The following HVCN1 variants were observed in gnomAD, a reference collection of about 807,000 sequenced individuals.
HVCN1 encodes the protein voltage-gated hydrogen channel 1.
In HVCN1, 14 loss-of-function variants were observed where a neutral mutation model predicts 29.2. That is an observed-to-expected ratio of 0.48 (90% CI 0.32 to 0.75). The LOEUF (loss-of-function observed/expected upper bound fraction) is 0.75. Among genes scored for constraint, HVCN1 ranks in the 30% least tolerant of loss-of-function variants. The pLI, the probability that HVCN1 is intolerant of heterozygous loss-of-function variation, is 0.04. For missense variants in HVCN1, 263 were observed against 341.8 expected (o/e 0.77, Z 1.82); for synonymous variants, 131 against 133.2 (o/e 0.98, Z 0.11).
intron 3 of HVCN1, among the ~76,000 whole-genome samples, chr12:110,672,764 G>A (rs1189141839): frequency 1.3e-5 from 2 of 152,146 alleles, no homozygotes; most frequent in Admixed American, 6.5e-5. Context: ...TAGTGAACAA[G>A]TCTCACAAGA....
At chr12:110,651,085 G>A in intron 6 of HVCN1, 132 bp downstream of exon 6, 1 of 641,430 alleles carries the variant, frequency 1.6e-6, no homozygotes, top group Non-Finnish European at 2.8e-6. Flanking sequence ...GGGAGGTGAG[G>A]GGGCAGAGGG....
upstream of HVCN1, among the ~76,000 whole-genome samples, chr12:110,694,440 G>A (rs1005169191): frequency 4.6e-5 from 7 of 152,224 alleles, no homozygotes; most frequent in Non-Finnish European, 7.3e-5. This position sits in a 1 kb window ranked among gnomAD's most constrained non-coding sequence, Gnocchi z 4.6. Context: ...AGCTGGGGCC[G>A]GGCCAGGGCA....
chr12:110,651,729 A>C (rs1197786763), intron 5 of HVCN1, among the ~76,000 whole-genome samples: 2 of 152,272 alleles, frequency 1.3e-5, no homozygotes. Context: ...CACAGGGACT[A>C]AGGATATTTA....
At position 110,655,614 on chromosome 12, in the gene HVCN1, T is replaced by C. The variant is rs115842147; in HGVS notation, c.307-276A>G. 5.8e-3 allele frequency among the ~76,000 whole-genome samples: 876 copies of C among 152,038 alleles called. 13 individuals carry two copies. Among genetic ancestry groups the C allele is most frequent in the African/African-American group, 0.02 (809 of 41,428 alleles). ...CCACCTTCCCTGCCCTCCCAGAACATCTCTGGCTCATTTTCTGACCTTTGG... is the reference window on the plus strand; with the variant it reads ...CCACCTTCCCTGCCCTCCCAGAACACCTCTGGCTCATTTTCTGACCTTTGG... On this transcript the variant is annotated intron_variant, in intron 4 of 7. Coordinates refer to ENST00000242607, the MANE Select transcript of HVCN1 (RefSeq NM_032369.4).
intron 2 of HVCN1, among the ~76,000 whole-genome samples, chr12:110,686,564 C>G (rs1159860765): frequency 2.0e-5 from 3 of 152,134 alleles, no homozygotes; most frequent in Non-Finnish European, 4.4e-5. Context: ...TTAAGGTGCC[C>G]TGGAGATTTC....
chr12:110,701,400 G>T (rs962320871), intron 2 of HVCN1, among the ~76,000 whole-genome samples: 6 of 152,242 alleles, frequency 3.9e-5, no homozygotes, highest in Admixed American at 1.3e-4. Context: ...ACATTCTTGG[G>T]CCCCAACTTC....
chr12:110,700,297 C>A (rs936862660), intron 2 of HVCN1, among the ~76,000 whole-genome samples: 1 of 152,220 alleles, frequency 6.6e-6, no homozygotes, highest in Admixed American at 6.5e-5. Context: ...TGTCGCCCAG[C>A]CATGAAGCGG....
At chr12:110,682,202 G>A (rs2069004249) in intron 3 of HVCN1, among the ~76,000 whole-genome samples, 1 of 152,048 alleles carries the variant, frequency 6.6e-6, no homozygotes, top group Non-Finnish European at 1.5e-5. Flanking sequence ...TGGCCAGGCT[G>A]GTCTCAAACT....
intron 2 of HVCN1, among the ~76,000 whole-genome samples, chr12:110,684,914 G>A (rs988218824): frequency 2.6e-5 from 4 of 152,110 alleles, no homozygotes; most frequent in Admixed American, 6.5e-5. Flanking sequence ...AAGCACATGA[G>A]TAGATACTCT....
chr12:110,661,551 T>TTCTACGCACCCG lies in HVCN1; in HGVS notation c.22-104_22-103insCGGGTGCGTAGA. ...CACTGCAGGTGAAGATGGTCCCGGGTGCGTAGAACCCCCTGCAAGCAGAGA... is the reference window on the plus strand; with the variant it reads ...CACTGCAGGTGAAGATGGTCCCGGGTTCTACGCACCCGGCGTAGAACCCCCTGCAAGCAGAGA... On this transcript the variant is annotated intron_variant, in intron 3 of 7. Coordinates refer to ENST00000242607, the MANE Select transcript of HVCN1 (RefSeq NM_032369.4). This position sits in a 1 kb window ranked among gnomAD's most constrained non-coding sequence, Gnocchi z 6.2. 9.3e-7 allele frequency: 1 copy of TTCTACGCACCCG among 1,079,784 alleles called. No homozygotes were observed. The highest frequency in any genetic ancestry group is 1.3e-6 in the Non-Finnish European group (1 of 748,606). The allele number at this position is 1,079,784 out of a possible 1,614,324, so 66.9% of individuals were successfully genotyped here.
intron 3 of HVCN1, among the ~76,000 whole-genome samples, chr12:110,681,375 C>A (rs968012564): frequency 6.6e-6 from 1 of 152,118 alleles, no homozygotes; most frequent in Non-Finnish European, 1.5e-5. Context: ...ATTCTTGATA[C>A]ACATGGTCAA....
At chr12:110,704,142 G>GC (rs1164153889) in intron 1 of HVCN1, among the ~76,000 whole-genome samples, 2 of 152,092 alleles carry the variant, frequency 1.3e-5, no homozygotes, top group Middle Eastern at 3.2e-3. Flanking sequence ...ATTCCCTCTG[G>GC]CATGATTTAT....
chr12:110,695,869 A>G (rs1279891830), intron 2 of HVCN1, among the ~76,000 whole-genome samples: 1 of 151,986 alleles, frequency 6.6e-6, no homozygotes, highest in Non-Finnish European at 1.5e-5. Flanking sequence ...GCTGGGGAGG[A>G]GGCCGGAGGC....
chr12:110,663,587 CAAA>C (rs1182792368), intron 3 of HVCN1, among the ~76,000 whole-genome samples: 4 of 25,834 alleles, frequency 1.5e-4, no homozygotes, highest in African/African-American at 3.5e-4. Flanking sequence ...GACGCTGTCT[CAAA>C]AAAAAAAAAA....
At chr12:110,682,885 C>T (rs2136439568) in intron 3 of HVCN1, 2 of 290,758 alleles carry the variant, frequency 6.9e-6, no homozygotes, top group East Asian at 1.2e-4. Flanking sequence ...ATCGCTTGAA[C>T]CCTGGGGGGC....
chr12:110,656,431 A>G (rs1360045292), intron 4 of HVCN1, among the ~76,000 whole-genome samples: 1 of 152,090 alleles, frequency 6.6e-6, no homozygotes, highest in Non-Finnish European at 1.5e-5. Flanking sequence ...ACAGCTGGTG[A>G]TGATGTTGGC....
intron 5 of HVCN1, among the ~76,000 whole-genome samples, chr12:110,652,472 GGCAAGGACGTCTTTTGCCA>G (rs1306831515): frequency 6.6e-6 from 1 of 152,062 alleles, no homozygotes; most frequent in Non-Finnish European, 1.5e-5. Context: ...GTACAATGTG[GGCAAGGACGTCTTTTGCCA>G]GCAAGGAAGT....
Position 110,650,276 on chromosome 12 carries a change from A to G in HVCN1, c.648T>C (p.Ile216=). Residue 216 remains isoleucine (I), a synonymous_variant, in exon 7 of 8, where the codon ATT becomes ATC. Coordinates refer to ENST00000242607, the MANE Select transcript of HVCN1 (RefSeq NM_032369.4). ...LWRVARIING[I]IISVKTRSER... is the part of the protein sequence containing the mutation. Reference sequence around the variant, plus strand: ...CTGAACGTGTCTTAACTGAGATGATAATCCCTGAAATAAAATTGGGGGTCT... The same window carrying G: ...CTGAACGTGTCTTAACTGAGATGATGATCCCTGAAATAAAATTGGGGGTCT... 1 of 1,598,160 alleles carries G rather than the reference A, an allele frequency of 6.3e-7. No homozygotes were observed. Among genetic ancestry groups the G allele is most frequent in the Non-Finnish European group, 8.6e-7 (1 of 1,165,672 alleles).
intron 2 of HVCN1, among the ~76,000 whole-genome samples, chr12:110,695,755 A>T (rs1275969400): frequency 1.3e-5 from 2 of 152,210 alleles, no homozygotes; most frequent in African/African-American, 2.4e-5. Context: ...AGAGAACAGC[A>T]TGTGCGAAGG....
Sources: gnomAD v4.1 joint callset for allele counts (sites outside exome capture counted in the v4.1 genomes callset) on GRCh38, gnomAD v4.1.1 for gene constraint, Gnocchi (gnomAD v3.1) non-coding constraint, MANE v1.5 for transcripts, NCBI Gene and HGNC (gene_info 2026-07-23, HGNC 2026-07-21) for gene names.